The following PDSS2 variants were observed in gnomAD, a reference collection of about 807,000 sequenced individuals.
The protein encoded by PDSS2 is decaprenyl diphosphate synthase subunit 2.
In PDSS2, 31 loss-of-function variants were observed where a neutral mutation model predicts 44.5. The observed-to-expected ratio is 0.70, with a 90% CI of 0.52 to 0.94. The LOEUF is 0.94. Ranked by LOEUF, PDSS2 falls within the 40% of genes least tolerant of loss-of-function variation. PDSS2 has a pLI of 0.00. For synonymous variants in PDSS2, 157 were observed against 180.3 expected (o/e 0.87, Z 1.03); for missense variants, 452 against 482.2 (o/e 0.94, Z 0.59).
At chr6:107,325,948 T>TA (rs1777530541) in intron 2 of PDSS2, among the ~76,000 whole-genome samples, 1 of 152,214 alleles carries the variant, frequency 6.6e-6, no homozygotes, top group South Asian at 2.1e-4. Flanking sequence ...AACTTTTTCA[T>TA]AAAGTCCTCC....
At chr6:107,400,365 C>T (rs1049355799) in intron 1 of PDSS2, among the ~76,000 whole-genome samples, 1 of 152,126 alleles carries the variant, frequency 6.6e-6, no homozygotes. Flanking sequence ...GGGGAGGACA[C>T]CCCACAGTCA....
intron 3 of PDSS2, among the ~76,000 whole-genome samples, chr6:107,258,940 T>C (rs1346229328): frequency 6.6e-6 from 1 of 152,248 alleles, no homozygotes; most frequent in Non-Finnish European, 1.5e-5. Flanking sequence ...AAATGTATCA[T>C]GGTTCTTTGT....
intron 3 of PDSS2, among the ~76,000 whole-genome samples, chr6:107,252,310 C>T (rs1290597321): frequency 6.6e-6 from 1 of 152,164 alleles, no homozygotes; most frequent in Non-Finnish European, 1.5e-5. Flanking sequence ...TTGCAATAAG[C>T]ACACCAACTC....
chr6:107,405,655 G>C (rs540256797), intron 1 of PDSS2, among the ~76,000 whole-genome samples: 1 of 151,838 alleles, frequency 6.6e-6, no homozygotes, highest in Non-Finnish European at 1.5e-5. Flanking sequence ...AGACCATCCC[G>C]GCTAAAACGG....
rs140291088 is a variant in PDSS2, at chr6:107,340,987, A to AT, written c.297-6656dup. ...TTAATTCTGCAGGAAATCTGGAGGC[A>AT]TAAGTGGTTTGTCTGCAAGGGAGAA... On this transcript the variant is annotated intron_variant, in intron 1 of 7. Transcript: ENST00000369037. Among the ~76,000 whole-genome samples, 684 of 152,318 alleles carry AT rather than the reference A, an allele frequency of 4.5e-3. 5 individuals are homozygous for AT. The highest frequency in any genetic ancestry group is 0.015 in the African/African-American group (632 of 41,568).
At chr6:107,225,162 T>TATATATATATATA (rs1491560664) in intron 4 of PDSS2, among the ~76,000 whole-genome samples, 1 of 31,422 alleles carries the variant, frequency 3.2e-5, no homozygotes, top group African/African-American at 1.5e-4. Flanking sequence ...TATATATATA[T>TATATATATATATA]TTTTTTTTTT....
At chr6:107,310,416 C>T (rs748850329) in intron 2 of PDSS2, among the ~76,000 whole-genome samples, 19 of 152,070 alleles carry the variant, frequency 1.2e-4, no homozygotes, top group Non-Finnish European at 2.8e-4. Flanking sequence ...TCACCATGCC[C>T]AGAGAGACTT....
chr6:107,254,625 A>G (rs1391944427), intron 3 of PDSS2, among the ~76,000 whole-genome samples: 3 of 152,124 alleles, frequency 2.0e-5, no homozygotes, highest in Non-Finnish European at 4.4e-5. Flanking sequence ...TTCTTTACCT[A>G]GCGACACTGC....
At chr6:107,174,548 A>C in intron 7 of PDSS2, among the ~76,000 whole-genome samples, 1 of 152,236 alleles carries the variant, frequency 6.6e-6, no homozygotes, top group East Asian at 1.9e-4. Flanking sequence ...ATAGTGCTTA[A>C]CTGAAAGGTC....
At chr6:107,305,079 A>C (rs1282005528) in intron 2 of PDSS2, among the ~76,000 whole-genome samples, 2 of 151,948 alleles carry the variant, frequency 1.3e-5, no homozygotes, top group African/African-American at 4.8e-5. Context: ...AATAACTTAA[A>C]GTCTCATAGG....
intron 1 of PDSS2, among the ~76,000 whole-genome samples, chr6:107,378,976 A>G (rs1779375931): frequency 6.6e-6 from 1 of 152,154 alleles, no homozygotes; most frequent in Admixed American, 6.5e-5. Flanking sequence ...GTGTTTATCA[A>G]GTTTCTTCAC....
At chr6:107,223,534 C>G (rs1773687964) in intron 4 of PDSS2, among the ~76,000 whole-genome samples, 2 of 150,554 alleles carry the variant, frequency 1.3e-5, no homozygotes, top group Admixed American at 6.6e-5. Flanking sequence ...GACTCCATCT[C>G]AAAAAACAAA....
intron 7 of PDSS2, among the ~76,000 whole-genome samples, chr6:107,164,933 T>C (rs1456704186): frequency 6.6e-6 from 1 of 152,100 alleles, no homozygotes; most frequent in Non-Finnish European, 1.5e-5. Context: ...ATGAGCATTT[T>C]TTCATGTGTC....
Position 107,165,924 on chromosome 6 carries a change from G to T in PDSS2, c.1042-11147C>A, listed in dbSNP as rs1441511830. ...TCCTAGGTATTTTATTCTCTTTGAA[G>T]CAATTGTGAATGGGAGTTCACTCAT... On this transcript the variant is annotated intron_variant, in intron 7 of 7. Transcript: ENST00000369037. Among the ~76,000 whole-genome samples, 2 of 151,232 alleles carry T rather than the reference G, an allele frequency of 1.3e-5. 1 individual carries two copies. The highest frequency in any genetic ancestry group is 3.0e-5 in the Non-Finnish European group (2 of 67,368).
At chr6:107,404,919 T>C (rs1054674034) in intron 1 of PDSS2, among the ~76,000 whole-genome samples, 9 of 152,168 alleles carry the variant, frequency 5.9e-5, no homozygotes, top group Non-Finnish European at 1.2e-4. Context: ...CATCCAGATA[T>C]AAGAGGCTCA....
At position 107,320,485 on chromosome 6, in the gene PDSS2, T is replaced by C. The variant is rs1350794800; in HGVS notation, c.431+13713A>G. ...CTGACATTTCAGGACTAATGACAAA[T>C]GAAATACACTTTACTCTTTGTCTAT... On this transcript the variant is annotated intron_variant, in intron 2 of 7. Coordinates refer to ENST00000369037, the MANE Select transcript of PDSS2 (RefSeq NM_020381.4). Among the ~76,000 whole-genome samples the C allele has an allele frequency of 3.3e-5, 5 of 152,106 alleles. No homozygotes were observed. The South Asian group carries it at 1.0e-3, about 32-fold the overall frequency.
intron 1 of PDSS2, among the ~76,000 whole-genome samples, chr6:107,398,505 T>C (rs1019612095): frequency 6.6e-6 from 1 of 152,146 alleles, no homozygotes; most frequent in African/African-American, 2.4e-5. Context: ...AAGCAAAATA[T>C]CCTTGGGGGT....
intron 4 of PDSS2, among the ~76,000 whole-genome samples, chr6:107,240,063 A>G (rs1439234366): frequency 1.3e-5 from 2 of 152,190 alleles, no homozygotes; most frequent in African/African-American, 2.4e-5. Context: ...AGTAAGTAAC[A>G]TGAGCGTAAT....
At chr6:107,344,301 CTAAAAA>C (rs1403822285) in intron 1 of PDSS2, among the ~76,000 whole-genome samples, 2 of 152,158 alleles carry the variant, frequency 1.3e-5, no homozygotes, top group East Asian at 1.9e-4. Flanking sequence ...TTTAGAGAGA[CTAAAAA>C]TAGTCTGCAT....
Sources: gnomAD v4.1 joint callset for allele counts (sites outside exome capture counted in the v4.1 genomes callset) on GRCh38, gnomAD v4.1.1 for gene constraint, MANE v1.5 for transcripts, NCBI Gene and HGNC (gene_info 2026-07-23, HGNC 2026-07-21) for gene names.